Variants in MACF1 observed in about 807,000 individuals in gnomAD.
MACF1 encodes microtubule actin crosslinking factor 1.
MACF1 carries 193 observed loss-of-function variants against 854.8 expected under a neutral mutation model. The ratio of observed to expected loss-of-function variants is 0.23; its 90% CI spans 0.20 to 0.25. The LOEUF (loss-of-function observed/expected upper bound fraction) is 0.25. Among genes scored for constraint, MACF1 ranks in the 10% least tolerant of loss-of-function variants. The probability of loss-of-function intolerance (pLI) is 1.00; values close to 1 mark genes in which losing one functional copy is unlikely to be tolerated. For missense variants in MACF1, 7,722 were observed against 8,929.1 expected (o/e 0.86, Z 5.45); for synonymous variants, 3,185 against 3,226.7 (o/e 0.99, Z 0.44).
rs1425868291 is a variant in MACF1 at position 39,357,715 on chromosome 1, G to C, written c.11765G>C (p.Ser3922Thr). 2.4e-5 allele frequency: 39 copies of C among 1,614,140 alleles called. No homozygotes were observed. Among genetic ancestry groups the C allele is most frequent in the Non-Finnish European group, 3.2e-5 (38 of 1,180,014 alleles). ...TLPSLLKRQG[S>T]FSEDVISHKG... ...CCCTCCCTGCTAAAGCGGCAAGGAAGCTTCTCAGAGGATGTCATTTCCCAC... is the reference window on the plus strand; with the variant it reads ...CCCTCCCTGCTAAAGCGGCAAGGAACCTTCTCAGAGGATGTCATTTCCCAC... Residue 3922 changes from serine (S) to threonine (T), a missense_variant, in exon 45 of 101, where the codon AGC becomes ACC. Transcript: ENST00000564288.
intron 49 of MACF1, among the ~76,000 whole-genome samples, chr1:39,364,261 T>G (rs1324844259): frequency 6.6e-6 from 1 of 152,180 alleles, no homozygotes; most frequent in Non-Finnish European, 1.5e-5. Context: ...ATTTCTCTTA[T>G]GAGCGAGGTT....
chr1:39,383,985 C>G (rs1335157932), intron 56 of MACF1, among the ~76,000 whole-genome samples: 1 of 152,122 alleles, frequency 6.6e-6, no homozygotes, highest in African/African-American at 2.4e-5. Context: ...CATGTAGCTT[C>G]TGGGAAACAT....
rs781127718 is a variant in MACF1, at chr1:39,084,176, C to A, written c.-43C>A. On this transcript the variant is annotated 5_prime_UTR_variant, in exon 2 of 94. Coordinates refer to the MACF1 transcript ENST00000361689. The surrounding 1 kb of genome is among the most constrained non-coding windows in gnomAD (Gnocchi z 5.2). ...CCCCTTTCTCCTTCAGATCACTTCT[C>A]CCTGGGCTCCCAGGCCCTCCTGCAG... The A allele has an allele frequency of 2.2e-5, 35 of 1,576,320 alleles. No homozygotes were observed. Among genetic ancestry groups the A allele is most frequent in the Admixed American group, 5.0e-5 (3 of 59,740 alleles).
Position 39,146,026 on chromosome 1 carries a change from A to G in MACF1, c.220+61588A>G, listed in dbSNP as rs183702576. Among the ~76,000 whole-genome samples, 5 of 152,346 alleles carry G rather than the reference A, an allele frequency of 3.3e-5. No homozygotes were observed. In the East Asian group the frequency reaches 9.6e-4, roughly 29 times the overall value. ...TCCAGTAACCCCACTCCTTAGGTTT[A>G]TACCCAAAAGAAAGGAAATCAGTAT... On this transcript the variant is annotated intron_variant, in intron 2 of 93. Coordinates refer to the MACF1 transcript ENST00000361689.
At chr1:39,123,309 G>A (rs1156811729) in intron 2 of MACF1, among the ~76,000 whole-genome samples, 3 of 148,676 alleles carry the variant, frequency 2.0e-5, no homozygotes, top group Non-Finnish European at 4.4e-5. Flanking sequence ...CCAGGTTGAA[G>A]CGATTCTCGT....
intron 2 of MACF1, among the ~76,000 whole-genome samples, chr1:39,187,949 T>G: frequency 7.9e-6 from 1 of 125,866 alleles, no homozygotes; most frequent in Non-Finnish European, 1.7e-5. Context: ...TTCCCTTCCC[T>G]TCCCTTCCCT....
rs752784561 is a variant in MACF1 at position 39,297,576 on chromosome 1, C to A, written c.2356-44C>A. 8.1e-6 allele frequency: 13 copies of A among 1,611,858 alleles called. No individual in the cohort carries two copies. In the East Asian group the frequency reaches 2.9e-4, roughly 36 times the overall value. ...CTTTCTTAGTTAATATTCCGGTGTTCTAATGTTTTGAGCAGAAGGCATCCT... is the reference window on the plus strand; with the variant it reads ...CTTTCTTAGTTAATATTCCGGTGTTATAATGTTTTGAGCAGAAGGCATCCT... On this transcript the variant is annotated intron_variant, in intron 20 of 100. Transcript: ENST00000564288.
chr1:39,176,175 G>A (rs1470294429), intron 2 of MACF1, among the ~76,000 whole-genome samples: 1 of 145,940 alleles, frequency 6.9e-6, no homozygotes, highest in African/African-American at 2.5e-5. Flanking sequence ...TCAGGAGGGA[G>A]GCTAGTGCAG....
At chr1:39,224,997 C>G (rs1298714671) in intron 1 of MACF1, among the ~76,000 whole-genome samples, 4 of 152,060 alleles carry the variant, frequency 2.6e-5, no homozygotes, top group African/African-American at 9.7e-5. Context: ...TCAGCCTGGA[C>G]AACATACTGA....
chr1:39,372,483 T>C lies in MACF1; in HGVS notation c.13100T>C (p.Leu4367Pro). ...GCCATTTTCTTCTTTAAACAGAGTC[T>C]ACTAGATGACTGGGCAAGTAAGGGA... is the stretch of plus-strand genomic sequence containing the variant. The part of the protein sequence containing the change: ...LEKQIEHLKS[L>P]LDDWASKGTL... The change falls in exon 52 of 101, where the codon CTA becomes CCA. Residue 4367 changes from leucine (L) to proline (P), a missense_variant. By Grantham distance (98) the Leu-to-Pro change is moderately conservative (BLOSUM62 -3). Transcript: ENST00000564288. 1 of 1,601,882 alleles carries C rather than the reference T, an allele frequency of 6.2e-7. No homozygotes were observed. Among genetic ancestry groups the C allele is most frequent in the Non-Finnish European group, 8.6e-7 (1 of 1,169,140 alleles).
intron 2 of MACF1, among the ~76,000 whole-genome samples, chr1:39,106,652 GGGCCCTTGTGACTA>G (rs1377959426): frequency 1.4e-4 from 21 of 152,038 alleles, no homozygotes; most frequent in African/African-American, 4.3e-4. Flanking sequence ...TATTCAGCTC[GGGCCCTTGTGACTA>G]GGCCCTTAGT....
chr1:39,359,109 G>C, intron 46 of MACF1, 32 bp from the exon 47 acceptor site: 4 of 1,613,264 alleles, frequency 2.5e-6, no homozygotes, highest in Non-Finnish European at 3.4e-6. Context: ...TTACTTAGAT[G>C]TTTTTCTTTT....
intron 82 of MACF1, 48 bp from the exon 83 acceptor site, chr1:39,447,985 A>G: frequency 1.2e-6 from 2 of 1,612,772 alleles, no homozygotes; most frequent in Non-Finnish European, 1.7e-6. Context: ...AACGTGCTGT[A>G]TAGTGTGTAT....
chr1:39,293,733 T>C (rs1645842436), intron 18 of MACF1, 114 bp downstream of exon 18: 2 of 946,466 alleles, frequency 2.1e-6, no homozygotes, highest in South Asian at 4.0e-5. Flanking sequence ...TAGATAGAAA[T>C]AGGGGCCCTA....
chr1:39,309,266 T>G (rs1299906038), intron 23 of MACF1, among the ~76,000 whole-genome samples: 7 of 152,162 alleles, frequency 4.6e-5, no homozygotes, highest in Admixed American at 1.3e-4. Flanking sequence ...GTTTAGTTTT[T>G]TTTTTTTTTT....
At position 39,331,279 on chromosome 1, in the gene MACF1, G is replaced by T; in HGVS notation, c.4691G>T (p.Gly1564Val). ...IFPIFKAMQK[G>V]LLDQDTGLVL... ...CCCATCTTCAAAGCCATGCAAAAGG[G>T]CCTCCTTGACCAAGACACAGGCCTA... Residue 1564 changes from glycine (G) to valine (V), a missense_variant, in exon 37 of 101, where the codon GGC (glycine) becomes GTC (valine). Gly to Val is a moderately radical substitution (Grantham distance 109). Transcript: ENST00000564288. 1 of 1,610,354 alleles carries T rather than the reference G, an allele frequency of 6.2e-7. No individual in the cohort carries two copies. Among genetic ancestry groups the T allele is most frequent in the Non-Finnish European group, 8.5e-7 (1 of 1,179,470 alleles).
intron 6 of MACF1, among the ~76,000 whole-genome samples, chr1:39,258,524 G>A (rs984945531): frequency 1.3e-5 from 2 of 152,112 alleles, no homozygotes; most frequent in African/African-American, 4.8e-5. Flanking sequence ...ACCTTGCAGC[G>A]GCCATCACAC....
chr1:39,153,789 T>C (rs1207766510), intron 2 of MACF1, among the ~76,000 whole-genome samples: 1 of 152,198 alleles, frequency 6.6e-6, no homozygotes, highest in Non-Finnish European at 1.5e-5. Flanking sequence ...GGGACAGCCC[T>C]TTCTTCAAAT....
At chr1:39,134,902 C>G (rs1643125335) in intron 2 of MACF1, among the ~76,000 whole-genome samples, 2 of 152,142 alleles carry the variant, frequency 1.3e-5, no homozygotes, top group South Asian at 4.1e-4. Context: ...ACTTTTTCAT[C>G]TTCTCAAACT....
Sources: gnomAD v4.1 joint callset for allele counts (sites outside exome capture counted in the v4.1 genomes callset) on GRCh38, gnomAD v4.1.1 for gene constraint, Gnocchi (gnomAD v3.1) non-coding constraint, MANE v1.5 for transcripts, NCBI Gene and HGNC (gene_info 2026-07-23, HGNC 2026-07-21) for gene names.